RERGL: variants seen among roughly 807,000 people sequenced by gnomAD.
RERGL encodes the protein RERG like.
A neutral mutation model predicts 24.7 loss-of-function variants in RERGL; 22 were observed. The ratio of observed to expected loss-of-function variants is 0.89; its 90% CI spans 0.64 to 1.27. The LOEUF (loss-of-function observed/expected upper bound fraction) is 1.27. Ranked by LOEUF, RERGL falls within the 50% of genes most tolerant of loss-of-function variation. The pLI is 0.00. For missense variants in RERGL, 259 were observed against 235.3 expected, an observed-to-expected ratio of 1.10 and a Z score of -0.66; for synonymous variants, 76 against 82.6, an observed-to-expected ratio of 0.92 and a Z score of 0.43.
intron 4 of RERGL, among the ~76,000 whole-genome samples, chr12:18,081,734 G>T (rs1947175374): frequency 1.3e-5 from 2 of 152,094 alleles, no homozygotes; most frequent in South Asian, 4.1e-4. Context: ...ACCTATTATT[G>T]AATTCTGGTG....
At position 18,088,762 on chromosome 12, in the gene RERGL, A is replaced by T. The variant is rs12425556; in HGVS notation, c.109+138T>A. 5.7e-5 allele frequency: 39 copies of T among 679,964 alleles called. No homozygotes were observed. The Admixed American group carries it at 1.1e-3, about 18-fold the overall frequency. 42.1% of individuals were successfully genotyped at this position (679,964 alleles called of 1,614,324 possible). A position where few individuals can be genotyped will look rare whatever the true frequency, so the allele number is the denominator to read the frequency against. ...TCAAGTACCTATTTTGGCAGTTCTA[A>T]TCAGAATATGTGAATAAATAAATTG... is the stretch of plus-strand genomic sequence containing the variant. On this transcript the variant is annotated intron_variant, in intron 2 of 4. Transcript: ENST00000538724.
chr12:18,088,741 G>A (rs1947242473), intron 2 of RERGL, among the ~76,000 whole-genome samples, 159 bp downstream of exon 2: 2 of 151,996 alleles, frequency 1.3e-5, no homozygotes, highest in Admixed American at 1.3e-4. Context: ...TTTAATTCAA[G>A]TACCTATTTT....
chr12:18,089,028 G>T lies in RERGL; in HGVS notation c.53-72C>A, dbSNP rs545855054. The T allele has an allele frequency of 1.0e-3, 1,312 of 1,307,378 alleles. 22 individuals are homozygous for T. The South Asian group carries it at 0.016, about 16-fold the overall frequency. 81.0% of individuals were successfully genotyped at this position (1,307,378 alleles called of 1,614,324 possible). ...CAGCTAATTTGGTTATGTGCATAAG[G>T]CTTTAGTTCTTAAACCAAAAATATT... On this transcript the variant is annotated intron_variant, in intron 1 of 4. Transcript: ENST00000538724.
chr12:18,082,112 C>A (rs953244287), intron 4 of RERGL, among the ~76,000 whole-genome samples: 1 of 149,508 alleles, frequency 6.7e-6, no homozygotes, highest in African/African-American at 2.5e-5. Context: ...TGCACTCCAG[C>A]CTGGGTAACA....
rs760002003 is a variant in RERGL at position 18,085,601 on chromosome 12, G to C, written c.183+19C>G. On this transcript the variant is annotated intron_variant, in intron 3 of 4. Transcript: ENST00000538724. Reference sequence around the variant, plus strand: ...AATCAATAAATAAATCAATAAAAAAGGTGTTTTGTTTTACTTACTTGAGAA... The same window carrying C: ...AATCAATAAATAAATCAATAAAAAACGTGTTTTGTTTTACTTACTTGAGAA... The C allele has an allele frequency of 1.4e-6, 2 of 1,386,082 alleles. No individual in the cohort carries two copies. Among genetic ancestry groups the C allele is most frequent in the South Asian group, 1.2e-5 (1 of 80,926 alleles). The allele number at this position is 1,386,082 out of a possible 1,614,324, so 85.9% of individuals were successfully genotyped here.
rs751405624 is a variant in RERGL at position 18,089,266 on chromosome 12, A to T, written c.53-310T>A. ...AAACAGATTTCTCATTATATTTGAG[A>T]TGCAAGAAGTTTGACATCTGTTTAT... On this transcript the variant is annotated intron_variant, in intron 1 of 4. Transcript: ENST00000538724. The T allele has an allele frequency of 1.2e-6, 2 of 1,607,950 alleles. No individual in the cohort carries two copies. Among genetic ancestry groups the T allele is most frequent in the Non-Finnish European group, 1.7e-6 (2 of 1,177,588 alleles).
chr12:18,089,454 C>T, intron 1 of RERGL: 3 of 1,092,986 alleles, frequency 2.7e-6, no homozygotes, highest in Non-Finnish European at 3.6e-6. Flanking sequence ...CTGGGTTTGG[C>T]CAGTTAAGAT....
chr12:18,081,536 A>C (rs897136504), intron 4 of RERGL, 63 bp from the exon 5 acceptor site: 39 of 1,377,296 alleles, frequency 2.8e-5, no homozygotes, highest in Admixed American at 7.0e-5. Flanking sequence ...TTAAAAAAAA[A>C]AAAAAAACAG....
rs774276786 is a variant in RERGL, at chr12:18,089,328, T to C, written c.53-372A>G. 4.5e-6 allele frequency: 7 copies of C among 1,542,586 alleles called. No homozygotes were observed. The Middle Eastern group carries it at 5.9e-4, about 129-fold the overall frequency. On this transcript the variant is annotated intron_variant, in intron 1 of 4. Transcript: ENST00000538724. ...AACTCAGTCTGGCTTCAAGGTACTATGTGTAATAGTCACAAAGACACTACC... is the reference window on the plus strand; with the variant it reads ...AACTCAGTCTGGCTTCAAGGTACTACGTGTAATAGTCACAAAGACACTACC...
In RERGL at chr12:18,086,785, A is replaced by G. The variant is rs550525796; in HGVS notation, c.110-1092T>C. On this transcript the variant is annotated intron_variant, in intron 2 of 4. Transcript: ENST00000538724. ...AACCCAACTTATGTCTGAAGCCCAGACCTCATCCCTGAACTCCGGACACAA... is the reference window on the plus strand; with the variant it reads ...AACCCAACTTATGTCTGAAGCCCAGGCCTCATCCCTGAACTCCGGACACAA... 4.6e-5 allele frequency among the ~76,000 whole-genome samples: 7 copies of G among 152,194 alleles called. No individual in the cohort carries two copies. The South Asian group carries it at 1.0e-3, about 23-fold the overall frequency.
intron 2 of RERGL, among the ~76,000 whole-genome samples, chr12:18,086,488 T>A (rs1279492892): frequency 6.6e-6 from 1 of 152,236 alleles, no homozygotes; most frequent in Non-Finnish European, 1.5e-5. Context: ...TTGATTTTAT[T>A]CGCCTTATTG....
intron 1 of RERGL, chr12:18,089,359 T>C: frequency 7.0e-7 from 1 of 1,431,960 alleles, no homozygotes; most frequent in East Asian, 2.6e-5. Context: ...CTACCAAGTA[T>C]TTGCAGTTAT....
In RERGL at chr12:18,084,510, A is replaced by G; in HGVS notation, c.332+7T>C. On this transcript the variant is annotated splice_region_variant and intron_variant, in intron 4 of 4. Transcript: ENST00000538724. ...AAGAAAGGAGAAAGGAATGAAAAAT[A>G]CCTTACCTTTTACAATGACTAGTTT... 1 of 1,599,594 alleles carries G rather than the reference A, an allele frequency of 6.3e-7. No individual in the cohort carries two copies. The highest frequency in any genetic ancestry group is 1.3e-5 in the African/African-American group (1 of 74,106).
chr12:18,089,097 A>G, intron 1 of RERGL, 141 bp from the exon 2 acceptor site: 2 of 1,119,004 alleles, frequency 1.8e-6, no homozygotes, highest in Non-Finnish European at 2.6e-6. Flanking sequence ...ATTCTGTTCT[A>G]AATAGTAGTT....
At chr12:18,084,453 T>A in intron 4 of RERGL, 64 bp downstream of exon 4, 1 of 1,469,854 alleles carries the variant, frequency 6.8e-7, no homozygotes, top group South Asian at 1.4e-5. Context: ...CTCTTCCTAA[T>A]GATGCTTACA....
chr12:18,085,877 AGCC>A (rs1947215954), intron 2 of RERGL, among the ~76,000 whole-genome samples, 184 bp from the exon 3 acceptor site: 1 of 57,172 alleles, frequency 1.7e-5, no homozygotes, highest in Non-Finnish European at 3.4e-5. Context: ...TTTGAGCCAC[AGCC>A]ACAGTCTGTC....
chr12:18,085,794 T>A (rs770203668), intron 2 of RERGL, 101 bp from the exon 3 acceptor site: 9 of 640,578 alleles, frequency 1.4e-5, no homozygotes, highest in Admixed American at 3.1e-5. Context: ...TGTGCTCTTT[T>A]TATATTGCTG....
At chr12:18,089,069 A>G (rs1453152742) in intron 1 of RERGL, 113 bp from the exon 2 acceptor site, 2 of 1,153,212 alleles carry the variant, frequency 1.7e-6, no homozygotes, top group African/African-American at 1.6e-5. Context: ...ATTAATAAAG[A>G]CTTTAAAATT....
At chr12:18,089,082 A>G in intron 1 of RERGL, 126 bp from the exon 2 acceptor site, 1 of 1,146,570 alleles carries the variant, frequency 8.7e-7, no homozygotes, top group South Asian at 1.4e-5. Context: ...TTAAAATTAG[A>G]CCAAATTCTG....
Sources: gnomAD v4.1 joint callset for allele counts (sites outside exome capture counted in the v4.1 genomes callset) on GRCh38, gnomAD v4.1.1 for gene constraint, MANE v1.5 for transcripts, NCBI Gene and HGNC (gene_info 2026-07-23, HGNC 2026-07-21) for gene names.